KCNQ1: variants seen among roughly 807,000 people sequenced by gnomAD.
KCNQ1 encodes potassium voltage-gated channel subfamily KQT member 1.
In KCNQ1, 49 loss-of-function variants were observed where a neutral mutation model predicts 72.4. The observed-to-expected ratio is 0.68, with a 90% CI of 0.54 to 0.86. The LOEUF is 0.86. KCNQ1 is among the 40% of genes least tolerant of loss of function. The pLI is 0.00. For synonymous variants in KCNQ1, 450 were observed against 412.6 expected, an observed-to-expected ratio of 1.09 and a Z score of -1.10; for missense variants, 790 against 945.1, an observed-to-expected ratio of 0.84 and a Z score of 2.15.
Position 2,579,365 on chromosome 11 carries a change from C to T in KCNQ1, c.922-4070C>T, listed in dbSNP as rs569219400. Among the ~76,000 whole-genome samples, 67 of 152,292 alleles carry T rather than the reference C, an allele frequency of 4.4e-4. No individual in the cohort carries two copies. The highest frequency in any genetic ancestry group is 1.6e-3 in the African/African-American group (66 of 41,562). ...ACTGACCAGTGGGGTGTGCGTTCCCCGCTCGCCCCCACAGTTCCTGCCATG... is the reference window on the plus strand; with the variant it reads ...ACTGACCAGTGGGGTGTGCGTTCCCTGCTCGCCCCCACAGTTCCTGCCATG... On this transcript the variant is annotated intron_variant, in intron 6 of 15. Transcript: ENST00000155840. The surrounding 1 kb of genome is among the most constrained non-coding windows in gnomAD (Gnocchi z 6.0).
Position 2,471,722 on chromosome 11 carries a change from A to G in KCNQ1, c.386+26238A>G, listed in dbSNP as rs533214821. On this transcript the variant is annotated intron_variant, in intron 1 of 15. Transcript: ENST00000155840. The surrounding 1 kb of genome is among the most constrained non-coding windows in gnomAD (Gnocchi z 4.8). ...TGTGTATAGGTGTGTGTATGTGTGC[A>G]TGGGCGTGTGTATGTGTGCATGGGC... Among the ~76,000 whole-genome samples, 2 of 138,970 alleles carry G rather than the reference A, an allele frequency of 1.4e-5. No individual in the cohort carries two copies. Among genetic ancestry groups the G allele is most frequent in the African/African-American group, 6.1e-5 (2 of 32,842 alleles). The allele number at this position is 138,970 out of a possible 152,430, so 91.2% of individuals were successfully genotyped here.
intron 15 of KCNQ1, among the ~76,000 whole-genome samples, chr11:2,811,075 G>A (rs920637759): frequency 2.6e-5 from 4 of 152,204 alleles, no homozygotes; most frequent in South Asian, 2.1e-4. Context: ...CAGCCCCGGC[G>A]AGACCCGGGT....
At chr11:2,847,723 G>T (rs747032682) in intron 15 of KCNQ1, 44 bp from the exon 16 acceptor site, 6 of 1,541,490 alleles carry the variant, frequency 3.9e-6, no homozygotes, top group Non-Finnish European at 5.3e-6. Context: ...GCACACCTGG[G>T]TGCTTCCCAC....
In KCNQ1 at chr11:2,674,380, G is replaced by C. The variant is rs541782724; in HGVS notation, c.1514+12299G>C. On this transcript the variant is annotated intron_variant, in intron 11 of 15. Transcript: ENST00000155840. This position sits in a 1 kb window ranked among gnomAD's most constrained non-coding sequence, Gnocchi z 5.9. ...TGGCAAAGAGCAGCTTCCTGCTTAGGGAAGGTGCATGCGTGCGTGTGTGTG... is the reference window on the plus strand; with the variant it reads ...TGGCAAAGAGCAGCTTCCTGCTTAGCGAAGGTGCATGCGTGCGTGTGTGTG... The C allele has an allele frequency of 9.3e-5, 37 of 398,330 alleles. No individual in the cohort carries two copies. Among genetic ancestry groups the C allele is most frequent in the African/African-American group, 6.6e-4 (32 of 48,722 alleles). The allele number at this position is 398,330 out of a possible 1,614,324, so 24.7% of individuals were successfully genotyped here. A position where few individuals can be genotyped will look rare whatever the true frequency, so the allele number is the denominator to read the frequency against.
chr11:2,587,791 G>C, intron 9 of KCNQ1, 99 bp downstream of exon 9: 1 of 1,525,828 alleles, frequency 6.6e-7, no homozygotes, highest in Non-Finnish European at 9.0e-7. Context: ...CATGCATTTG[G>C]CTTGGTACAG....
In KCNQ1 at chr11:2,550,691, T is replaced by G. The variant is rs1847970430; in HGVS notation, c.478-19937T>G. On this transcript the variant is annotated intron_variant, in intron 2 of 15. Transcript: ENST00000155840. The surrounding 1 kb of genome is among the most constrained non-coding windows in gnomAD (Gnocchi z 6.0). ...AACAGAGATGGTGTCCCGGCTGATG[T>G]AGGGTCAGGGGCTTCTGGAAGGAGC... 6.6e-6 allele frequency among the ~76,000 whole-genome samples: 1 copy of G among 151,896 alleles called. No homozygotes were observed.
intron 11 of KCNQ1, among the ~76,000 whole-genome samples, chr11:2,732,574 C>G (rs539436437): frequency 1.3e-5 from 2 of 152,334 alleles, no homozygotes; most frequent in African/African-American, 4.8e-5. Context: ...ACAGCAGGCG[C>G]GAGCGAAGGG....
intron 1 of KCNQ1, among the ~76,000 whole-genome samples, chr11:2,510,646 T>G (rs1847184272): frequency 6.6e-6 from 1 of 152,216 alleles, no homozygotes; most frequent in Non-Finnish European, 1.5e-5. Context: ...TTTCTCTGCT[T>G]CTGGGCAATG....
At chr11:2,804,760 C>G (rs1847339533) in intron 15 of KCNQ1, among the ~76,000 whole-genome samples, 1 of 152,216 alleles carries the variant, frequency 6.6e-6, no homozygotes, top group African/African-American at 2.4e-5. Flanking sequence ...AAGGCCTTCC[C>G]CTGCGCCCAC....
intron 10 of KCNQ1, chr11:2,619,813 C>A (rs1452011018): frequency 7.5e-6 from 3 of 397,640 alleles, no homozygotes; most frequent in Non-Finnish European, 8.9e-6. Flanking sequence ...AGTCATGAAG[C>A]TATCTGGTCC....
intron 2 of KCNQ1, among the ~76,000 whole-genome samples, chr11:2,539,336 G>A (rs1018455825): frequency 3.3e-4 from 51 of 152,288 alleles, no homozygotes; most frequent in African/African-American, 1.0e-3. Context: ...GGGCCCTGTC[G>A]GCTGGTTCCA....
chr11:2,737,597 G>GT lies in KCNQ1; in HGVS notation c.1515-31246dup, dbSNP rs1268623955. Among the ~76,000 whole-genome samples, 20 of 152,308 alleles carry GT rather than the reference G, an allele frequency of 1.3e-4. No individual in the cohort carries two copies. In the East Asian group the frequency reaches 3.9e-3, roughly 29 times the overall value. The stretch of plus-strand genomic sequence containing the variant: ...TCCTAATTATATTTATGATCCCAAC[G>GT]TGAGTGAATTTGACTCCGTTCACGG... On this transcript the variant is annotated intron_variant, in intron 11 of 15. Coordinates refer to ENST00000155840, the MANE Select transcript of KCNQ1 (RefSeq NM_000218.3).
rs1472268816 is a variant in KCNQ1, at chr11:2,458,341, C to T, written c.386+12857C>T. Among the ~76,000 whole-genome samples, 1 of 152,202 alleles carries T rather than the reference C, an allele frequency of 6.6e-6. No individual in the cohort carries two copies. Among genetic ancestry groups the T allele is most frequent in the Non-Finnish European group, 1.5e-5 (1 of 68,044 alleles). The stretch of plus-strand genomic sequence containing the variant: ...AGATCTGTGGAGGTCAATAGGGAGA[C>T]CGCTCATGATGTTGAATCCTGGCAA... On this transcript the variant is annotated intron_variant, in intron 1 of 15. Coordinates refer to ENST00000155840, the MANE Select transcript of KCNQ1 (RefSeq NM_000218.3). The surrounding 1 kb of genome is among the most constrained non-coding windows in gnomAD (Gnocchi z 4.6).
chr11:2,719,422 G>A (rs1851165549), intron 11 of KCNQ1, among the ~76,000 whole-genome samples: 1 of 151,562 alleles, frequency 6.6e-6, no homozygotes, highest in Admixed American at 6.6e-5. Flanking sequence ...CTGAGCCTGG[G>A]AGGTCAAGAG....
Position 2,663,470 on chromosome 11 carries a change from TG to T in KCNQ1, c.1514+1391del, listed in dbSNP as rs1850006262. The T allele has an allele frequency of 2.5e-6, 1 of 398,584 alleles. No homozygotes were observed. Among genetic ancestry groups the T allele is most frequent in the South Asian group, 1.3e-4 (1 of 7,860 alleles). 24.7% of individuals were successfully genotyped at this position (398,584 alleles called of 1,614,324 possible). A position where few individuals can be genotyped will look rare whatever the true frequency, so the allele number is the denominator to read the frequency against. ...TCCAAAGTGATCAGTGTTAGTTTAG[TG>T]GCTCATGTTGTGTGCAATACAGGTG... On this transcript the variant is annotated intron_variant, in intron 11 of 15. Transcript: ENST00000155840. The surrounding 1 kb of genome is among the most constrained non-coding windows in gnomAD (Gnocchi z 5.2).
At chr11:2,634,313 TCC>T (rs1849416077) in intron 10 of KCNQ1, 15 of 5,898 alleles carry the variant, frequency 2.5e-3, no homozygotes, top group Non-Finnish European at 4.8e-3. Flanking sequence ...ATGCTTTCCC[TCC>T]CCCCTCCCCC....
intron 10 of KCNQ1, chr11:2,650,014 A>G: frequency 2.5e-6 from 1 of 398,392 alleles, no homozygotes. Context: ...TGTCTGGTTT[A>G]TTGCAAAACA....
rs1846134416 is a variant in KCNQ1, at chr11:2,452,766, T to A, written c.386+7282T>A. 1.3e-5 allele frequency among the ~76,000 whole-genome samples: 2 copies of A among 152,216 alleles called. 1 individual carries two copies. Among genetic ancestry groups the A allele is most frequent in the South Asian group, 4.1e-4 (2 of 4,834 alleles). On this transcript the variant is annotated intron_variant, in intron 1 of 15. Coordinates refer to ENST00000155840, the MANE Select transcript of KCNQ1 (RefSeq NM_000218.3). ...GCCTTATAGGCAGGCAGATCACCAA[T>A]GGAACAGCTTTTTAAAAACCGCATG...
chr11:2,491,869 CAG>C lies in KCNQ1; in HGVS notation c.387-36056_387-36055del. On this transcript the variant is annotated intron_variant, in intron 1 of 15. Coordinates refer to ENST00000155840, the MANE Select transcript of KCNQ1 (RefSeq NM_000218.3). This position sits in a 1 kb window ranked among gnomAD's most constrained non-coding sequence, Gnocchi z 4.1. ...AATTGAACTCCATTATATCTGGCAG[CAG>C]AGTTTTCAATGGAAACTTTATGGGC... Among the ~76,000 whole-genome samples, 1 of 151,934 alleles carries C rather than the reference CAG, an allele frequency of 6.6e-6. No individual in the cohort carries two copies. The highest frequency in any genetic ancestry group is 1.5e-5 in the Non-Finnish European group (1 of 67,994).
Sources: gnomAD v4.1 joint callset for allele counts (sites outside exome capture counted in the v4.1 genomes callset) on GRCh38, gnomAD v4.1.1 for gene constraint, Gnocchi (gnomAD v3.1) non-coding constraint, MANE v1.5 for transcripts, NCBI Gene and HGNC (gene_info 2026-07-23, HGNC 2026-07-21) for gene names.